The following NBDY variants were observed in gnomAD, a reference collection of about 807,000 sequenced individuals.
The protein encoded by NBDY is P-body dissociating protein.
At position 56,810,144 on chromosome X, in the gene NBDY, C is replaced by T. The variant is rs1021952798; in HGVS notation, c.*167-7176C>T. ...CCTGCTGTTAGTCTGATTGGCTTCC[C>T]TTGTAACCCAACCTTTCTCTCTGTC... On this transcript the variant is annotated intron_variant, in intron 2 of 2. Coordinates refer to ENST00000374922, the MANE Select transcript of NBDY (RefSeq NM_001348129.2). Among the ~76,000 whole-genome samples the T allele has an allele frequency of 7.2e-5, 8 of 111,376 alleles. No individual in the cohort carries two copies. The East Asian group carries it at 2.3e-3, about 32-fold the overall frequency.
At chrX:56,791,446 T>C (rs777391965) in intron 2 of NBDY, among the ~76,000 whole-genome samples, 26 of 111,738 alleles carry the variant, frequency 2.3e-4, no homozygotes, top group Non-Finnish European at 1.1e-4. Flanking sequence ...TTCCCTGCCT[T>C]GGCCTTGTAG....
At chrX:56,808,311 G>A (rs1455771286) in intron 2 of NBDY, among the ~76,000 whole-genome samples, 1 of 111,651 alleles carries the variant, frequency 9.0e-6, no homozygotes. Context: ...TCTATTGTTT[G>A]GAATAGTTTC....
At chrX:56,736,702 G>C (rs906025508) in intron 2 of NBDY, among the ~76,000 whole-genome samples, 6 of 112,668 alleles carry the variant, frequency 5.3e-5, no homozygotes, top group Non-Finnish European at 1.1e-4. Flanking sequence ...AGTATGATTT[G>C]TTTTTGTACT....
At chrX:56,760,559 C>T (rs2069632985) in intron 2 of NBDY, among the ~76,000 whole-genome samples, 1 of 111,826 alleles carries the variant, frequency 8.9e-6, no homozygotes, top group Non-Finnish European at 1.9e-5. Context: ...GTGGCACATG[C>T]TTGTAATCCC....
intron 2 of NBDY, among the ~76,000 whole-genome samples, chrX:56,767,594 T>G (rs1006562003): frequency 8.8e-6 from 1 of 113,361 alleles, no homozygotes; most frequent in African/African-American, 3.2e-5. Context: ...GAGCAGCCAG[T>G]TGGACCTGCC....
intron 2 of NBDY, among the ~76,000 whole-genome samples, chrX:56,738,748 GA>G (rs1410341472): frequency 1.8e-5 from 2 of 111,677 alleles, no homozygotes. Context: ...CTGGCATGTG[GA>G]TGAGTTATTT....
chrX:56,808,694 C>A (rs183917117), intron 2 of NBDY, among the ~76,000 whole-genome samples: 173 of 111,598 alleles, frequency 1.6e-3, no homozygotes, highest in African/African-American at 5.5e-3. Context: ...TTTTGTTGAT[C>A]TTTTCAAAAA....
At chrX:56,816,900 G>GTAAA (rs1183765494) in intron 2 of NBDY, among the ~76,000 whole-genome samples, 3 of 110,895 alleles carry the variant, frequency 2.7e-5, no homozygotes, top group Non-Finnish European at 3.8e-5. Context: ...TATTATTTGT[G>GTAAA]TAAATAAATA....
chrX:56,792,922 G>A (rs1278202675), intron 2 of NBDY, among the ~76,000 whole-genome samples: 2 of 111,818 alleles, frequency 1.8e-5, no homozygotes, highest in African/African-American at 6.5e-5. Flanking sequence ...CCTGCAACCA[G>A]GGTAGGGGCA....
intron 2 of NBDY, among the ~76,000 whole-genome samples, chrX:56,758,172 A>G (rs1371049287): frequency 9.1e-6 from 1 of 110,492 alleles, no homozygotes; most frequent in East Asian, 2.9e-4. Context: ...TATCTCTACT[A>G]AAATTACAAA....
Position 56,737,514 on chromosome X carries a change from A to G in NBDY, c.*166+5315A>G. On this transcript the variant is annotated intron_variant, in intron 2 of 2. Coordinates refer to ENST00000374922, the MANE Select transcript of NBDY (RefSeq NM_001348129.2). ...AGTTTATTGAATCCTGCAGTATTGTAATACCATTTTCGAATACCATCCAGC... is the reference window on the plus strand; with the variant it reads ...AGTTTATTGAATCCTGCAGTATTGTGATACCATTTTCGAATACCATCCAGC... 3.1e-6 allele frequency: 3 copies of G among 953,618 alleles called. No homozygotes were observed. The South Asian group carries it at 6.0e-5, about 19-fold the overall frequency. The allele number at this position is 953,618 out of a possible 1,213,427, so 78.6% of individuals were successfully genotyped here.
At chrX:56,816,660 A>T (rs749184632) in intron 2 of NBDY, among the ~76,000 whole-genome samples, 75 of 110,715 alleles carry the variant, frequency 6.8e-4, no homozygotes, top group Admixed American at 1.4e-3. Flanking sequence ...GTATGCTAGG[A>T]TGATCTAATT....
chrX:56,801,148 C>T (rs1429675310), intron 2 of NBDY, among the ~76,000 whole-genome samples: 1 of 111,573 alleles, frequency 9.0e-6, no homozygotes, highest in African/African-American at 3.3e-5. Flanking sequence ...CAAGAAGCTT[C>T]TTGGTGTTGT....
At chrX:56,755,763 C>T (rs1378666218) in intron 2 of NBDY, among the ~76,000 whole-genome samples, 2 of 108,756 alleles carry the variant, frequency 1.8e-5, no homozygotes, top group African/African-American at 3.3e-5. Flanking sequence ...ACTAGAAATA[C>T]CATTTGACCC....
At chrX:56,784,565 A>G (rs901572859) in intron 2 of NBDY, among the ~76,000 whole-genome samples, 3 of 111,779 alleles carry the variant, frequency 2.7e-5, no homozygotes, top group African/African-American at 9.8e-5. Flanking sequence ...GCATAAGTGC[A>G]TGGGTAGCCA....
intron 2 of NBDY, among the ~76,000 whole-genome samples, chrX:56,766,020 T>C (rs1037183784): frequency 1.8e-5 from 2 of 111,490 alleles, no homozygotes; most frequent in Non-Finnish European, 1.9e-5. Flanking sequence ...AGGTCATGAG[T>C]TTAGTCCCTC....
intron 2 of NBDY, among the ~76,000 whole-genome samples, chrX:56,766,590 G>C (rs778545431): frequency 1.2e-4 from 14 of 112,042 alleles, no homozygotes; most frequent in Non-Finnish European, 2.6e-4. Flanking sequence ...CATTCTCTTC[G>C]ACAGGGGTTC....
intron 2 of NBDY, among the ~76,000 whole-genome samples, chrX:56,764,002 G>A (rs751896606): frequency 8.9e-6 from 1 of 112,438 alleles, no homozygotes; most frequent in African/African-American, 3.2e-5. Flanking sequence ...CCCCACGAGC[G>A]CAAAAGAGAT....
intron 2 of NBDY, among the ~76,000 whole-genome samples, chrX:56,759,569 T>G (rs1423144305): frequency 2.7e-5 from 3 of 110,327 alleles, no homozygotes; most frequent in Non-Finnish European, 3.8e-5. Context: ...GGAGCAGGGT[T>G]ACAGTTATAG....
Sources: gnomAD v4.1 joint callset for allele counts (sites outside exome capture counted in the v4.1 genomes callset) on GRCh38, gnomAD v4.1.1 for gene constraint, MANE v1.5 for transcripts, NCBI Gene and HGNC (gene_info 2026-07-23, HGNC 2026-07-21) for gene names.